Variants in ZMYM6 observed in about 807,000 individuals in gnomAD.
The protein encoded by ZMYM6 is zinc finger MYM-type protein 6.
Under a neutral mutation model 134.0 loss-of-function variants are expected in ZMYM6, and 90 were observed. That is an observed-to-expected ratio of 0.67 (90% CI 0.57 to 0.80). The LOEUF (loss-of-function observed/expected upper bound fraction) is 0.80. ZMYM6 is among the 30% of genes least tolerant of loss of function. ZMYM6 has a pLI of 0.00. For synonymous variants in ZMYM6, 481 were observed against 524.1 expected, an observed-to-expected ratio of 0.92 and a Z score of 1.12; for missense variants, 1,362 against 1,533.9, an observed-to-expected ratio of 0.89 and a Z score of 1.87.
chr1:34,992,247 T>C lies in ZMYM6; in HGVS notation c.2133A>G (p.Lys711=). The C allele has an allele frequency of 6.2e-7, 1 of 1,614,046 alleles. No homozygotes were observed. Among genetic ancestry groups the C allele is most frequent in the Non-Finnish European group, 8.5e-7 (1 of 1,179,922 alleles). ...ATSCKPHTQH[K]ECQTDLPMPN... ...AAGGATACATACCTGTCTGACATTC[T>C]TTGTGCTGTGTATGTGGTTTGCAAG... Residue 711 remains lysine (K), a synonymous_variant, in exon 15 of 16, where the codon AAA becomes AAG. Coordinates refer to ENST00000357182, the MANE Select transcript of ZMYM6 (RefSeq NM_007167.4).
At chr1:35,024,874 ATT>A (rs888090553) in intron 2 of ZMYM6, among the ~76,000 whole-genome samples, 1 of 143,868 alleles carries the variant, frequency 7.0e-6, no homozygotes. Context: ...GTGATTTTGT[ATT>A]TTTTTTTTTT....
At chr1:34,992,526 C>T (rs1182883701) in intron 14 of ZMYM6, 139 bp from the exon 15 acceptor site, 2 of 849,306 alleles carry the variant, frequency 2.4e-6, no homozygotes, top group Non-Finnish European at 3.3e-6. Context: ...ATAAAAAAGT[C>T]ACCTTGGAAA....
chr1:35,007,154 A>T (rs1032886562), intron 11 of ZMYM6, 56 bp from the exon 12 acceptor site: 34 of 1,513,020 alleles, frequency 2.2e-5, no homozygotes, highest in Non-Finnish European at 2.9e-5. Context: ...ATGAAAAGAT[A>T]ACATTAATCA....
chr1:35,020,655 C>T (rs1641293443), intron 2 of ZMYM6, among the ~76,000 whole-genome samples, 188 bp from the exon 3 acceptor site: 1 of 150,616 alleles, frequency 6.6e-6, no homozygotes, highest in Non-Finnish European at 1.5e-5. Context: ...TCGTTGCAAC[C>T]TCTGCCTCCC....
intron 14 of ZMYM6, among the ~76,000 whole-genome samples, chr1:35,002,127 C>T (rs953669761): frequency 6.6e-6 from 1 of 152,194 alleles, no homozygotes; most frequent in Admixed American, 6.5e-5. Flanking sequence ...GACCCTCTTC[C>T]AGTTGCTTTT....
chr1:35,009,674 T>C (rs1274745864), intron 10 of ZMYM6, among the ~76,000 whole-genome samples: 1 of 152,152 alleles, frequency 6.6e-6, no homozygotes, highest in Non-Finnish European at 1.5e-5. Flanking sequence ...CGCTCACGCC[T>C]ATAATCCCAG....
intron 11 of ZMYM6, among the ~76,000 whole-genome samples, chr1:35,008,454 T>G (rs1265606579): frequency 1.3e-5 from 2 of 152,190 alleles, no homozygotes; most frequent in Non-Finnish European, 2.9e-5. Context: ...AGAGAGCCAC[T>G]TCAGGCAACA....
intron 14 of ZMYM6, 66 bp downstream of exon 14, chr1:35,003,902 G>T (rs1315778275): frequency 6.5e-6 from 9 of 1,385,286 alleles, no homozygotes; most frequent in Non-Finnish European, 9.2e-6. Context: ...ATATTAGAAT[G>T]CCATATCCAA....
At chr1:35,030,745 C>A (rs1436817499) in intron 1 of ZMYM6, 32 bp from the exon 2 acceptor site, 9 of 1,161,072 alleles carry the variant, frequency 7.8e-6, no homozygotes, top group Non-Finnish European at 9.9e-6. Flanking sequence ...ATTCTTTTTT[C>A]TTCAGGCTTA....
At chr1:35,015,303 G>T in intron 4 of ZMYM6, 141 bp from the exon 5 acceptor site, 1 of 717,222 alleles carries the variant, frequency 1.4e-6, no homozygotes, top group Non-Finnish European at 2.2e-6. Context: ...ACCTGGGTTT[G>T]ATGAGTTCTG....
Position 34,988,927 on chromosome 1 carries a change from T to C in ZMYM6, c.2155A>G (p.Met719Val), listed in dbSNP as rs1202232168. 2 of 1,606,184 alleles carry C rather than the reference T, an allele frequency of 1.2e-6. No individual in the cohort carries two copies. Among genetic ancestry groups the C allele is most frequent in the African/African-American group, 2.7e-5 (2 of 74,422 alleles). The change falls in exon 16 of 16, where the codon ATG becomes GTG. Residue 719 changes from methionine (M) to valine (V), a missense_variant. Coordinates refer to ENST00000357182, the MANE Select transcript of ZMYM6 (RefSeq NM_007167.4). Reference sequence around the variant, plus strand: ...TCTGCATCATTTTTTTCATTAGGCATAGGTAAATCTGAATGAAATATTTGA... The same window carrying C: ...TCTGCATCATTTTTTTCATTAGGCACAGGTAAATCTGAATGAAATATTTGA... ...QHKECQTDLP[M>V]PNEKNDAELD...
chr1:35,006,204 C>T (rs1353699393), intron 12 of ZMYM6, among the ~76,000 whole-genome samples: 1 of 152,186 alleles, frequency 6.6e-6, no homozygotes, highest in East Asian at 1.9e-4. Flanking sequence ...GATGGGGTTT[C>T]ACCATGTTTA....
intron 2 of ZMYM6, among the ~76,000 whole-genome samples, chr1:35,024,307 C>G (rs1306212127): frequency 6.6e-6 from 1 of 152,196 alleles, no homozygotes; most frequent in Non-Finnish European, 1.5e-5. Flanking sequence ...ATTTGATAGT[C>G]AAATTTAACC....
At chr1:35,006,270 A>C (rs1640965018) in intron 12 of ZMYM6, among the ~76,000 whole-genome samples, 1 of 152,182 alleles carries the variant, frequency 6.6e-6, no homozygotes, top group Admixed American at 6.5e-5. Context: ...AGCCTTCCAA[A>C]GTGCTGGGAT....
At chr1:35,003,850 A>G (rs973484195) in intron 14 of ZMYM6, 118 bp downstream of exon 14, 6 of 855,910 alleles carry the variant, frequency 7.0e-6, no homozygotes, top group African/African-American at 7.0e-5. Flanking sequence ...ACCTAGATTA[A>G]TGACTAGGAC....
At chr1:35,015,945 CTTTTTT>C (rs10715166) in intron 4 of ZMYM6, among the ~76,000 whole-genome samples, 2 of 134,122 alleles carry the variant, frequency 1.5e-5, no homozygotes, top group Admixed American at 7.5e-5. Flanking sequence ...TTTTTTCTTT[CTTTTTT>C]TTTTTTTTTT....
At position 35,017,632 on chromosome 1, in the gene ZMYM6, T is replaced by A. The variant is rs1206334581; in HGVS notation, c.428+1721A>T. ...TTTTCTAATTTTTTTAAGATAAAACTTAAGATAAACCCTTAGACTATTTTT... is the reference window on the plus strand; with the variant it reads ...TTTTCTAATTTTTTTAAGATAAAACATAAGATAAACCCTTAGACTATTTTT... On this transcript the variant is annotated intron_variant, in intron 4 of 15. Coordinates refer to ENST00000357182, the MANE Select transcript of ZMYM6 (RefSeq NM_007167.4). 5.3e-5 allele frequency: 8 copies of A among 152,178 alleles called. No individual in the cohort carries two copies. In the East Asian group the frequency reaches 1.3e-3, roughly 26 times the overall value. 9.4% of individuals were successfully genotyped at this position (152,178 alleles called of 1,614,324 possible).
intron 1 of ZMYM6, among the ~76,000 whole-genome samples, chr1:35,031,063 T>C (rs536543137): frequency 6.6e-6 from 1 of 152,294 alleles, no homozygotes; most frequent in Non-Finnish European, 1.5e-5. Context: ...TCTGACCCCA[T>C]AAGAATCAGT....
chr1:35,030,712 A>G lies in ZMYM6; in HGVS notation c.-73T>C. On this transcript the variant is annotated splice_region_variant and 5_prime_UTR_variant, in exon 2 of 16. Transcript: ENST00000357182. ...TCTTCTTGGTAATGGATAGTTGGAC[A>G]CCTAAAATACATACTCAGGCTTATT... The G allele has an allele frequency of 7.4e-7, 1 of 1,359,304 alleles. No individual in the cohort carries two copies. Among genetic ancestry groups the G allele is most frequent in the Non-Finnish European group, 1.0e-6 (1 of 971,846 alleles). 84.2% of individuals were successfully genotyped at this position (1,359,304 alleles called of 1,614,324 possible).
Sources: gnomAD v4.1 joint callset for allele counts (sites outside exome capture counted in the v4.1 genomes callset) on GRCh38, gnomAD v4.1.1 for gene constraint, MANE v1.5 for transcripts, NCBI Gene and HGNC (gene_info 2026-07-23, HGNC 2026-07-21) for gene names.